The following TRPA1 variants were observed in gnomAD, a reference collection of about 807,000 sequenced individuals.
TRPA1 encodes the protein transient receptor potential cation channel subfamily A member 1.
Under a neutral mutation model 131.3 loss-of-function variants are expected in TRPA1, and 129 were observed. The observed-to-expected ratio is 0.98, with a 90% CI of 0.85 to 1.14. The LOEUF is 1.14. Among genes scored for constraint, TRPA1 ranks in the 50% most tolerant of loss-of-function variants. TRPA1 has a pLI of 0.00. For missense variants in TRPA1, 1,304 were observed against 1,354.2 expected (o/e 0.96, Z 0.58); for synonymous variants, 441 against 451.7 (o/e 0.98, Z 0.30).
At chr8:72,077,275 A>C (rs1313117864), upstream of TRPA1, among the ~76,000 whole-genome samples, 2 of 34,298 alleles carry the variant, frequency 5.8e-5, no homozygotes, top group Non-Finnish European at 1.1e-4. Context: ...CCCGAGAGAC[A>C]GGGGGTGACA....
intron 15 of TRPA1, among the ~76,000 whole-genome samples, chr8:72,048,441 A>G (rs1805405118): frequency 6.6e-6 from 1 of 152,098 alleles, no homozygotes; most frequent in African/African-American, 2.4e-5. Flanking sequence ...AGAAAATTAC[A>G]AGGAAGTCTC....
At chr8:72,077,671 T>A (rs1015758884), upstream of TRPA1, among the ~76,000 whole-genome samples, 8 of 152,198 alleles carry the variant, frequency 5.3e-5, no homozygotes, top group Non-Finnish European at 1.0e-4. Flanking sequence ...TGTTTCTTCT[T>A]AATCATTAAA....
intron 17 of TRPA1, among the ~76,000 whole-genome samples, chr8:72,042,749 C>A (rs1274914589): frequency 2.0e-5 from 3 of 151,864 alleles, no homozygotes; most frequent in Non-Finnish European, 4.4e-5. Context: ...AGTCTTGTCA[C>A]ATGCTCTAAC....
In TRPA1 at chr8:72,022,898, CT is replaced by C; in HGVS notation, c.*7del. 6.2e-7 allele frequency: 1 copy of C among 1,612,674 alleles called. No homozygotes were observed. The highest frequency in any genetic ancestry group is 8.5e-7 in the Non-Finnish European group (1 of 1,178,976). On this transcript the variant is annotated 3_prime_UTR_variant, in exon 27 of 27. Transcript: ENST00000262209. ...CCCCATTAGAAGCCTCACTGAAGGT[CT>C]GAGGAGCTAAGGCTCAAGATGGTGT...
At chr8:72,074,801 T>C (rs1189126062) in intron 1 of TRPA1, among the ~76,000 whole-genome samples, 4 of 152,162 alleles carry the variant, frequency 2.6e-5, no homozygotes, top group Non-Finnish European at 2.9e-5. Flanking sequence ...CTCCGTTTTA[T>C]TGGGGACATT....
upstream of TRPA1, among the ~76,000 whole-genome samples, chr8:72,080,528 A>G (rs1393656751): frequency 6.6e-6 from 1 of 151,756 alleles, no homozygotes; most frequent in Non-Finnish European, 1.5e-5. Context: ...ATTGATCTGT[A>G]GTTGCCTCTT....
Position 72,055,837 on chromosome 8 carries a change from G to T in TRPA1, c.1213C>A (p.Leu405Met). ...EFMQMQQIKE[L>M]VMDEDNDGCT... ...CCATCGTTGTCTTCATCCATTACCA[G>T]CTCTTTGATCTGTTGCATCTATAGG... Residue 405 changes from leucine to methionine, a missense_variant, in exon 11 of 27, where the codon CTG becomes ATG. Physicochemically the swap from Leu to Met is conservative, Grantham distance 15. Transcript: ENST00000262209. 6.2e-7 allele frequency: 1 copy of T among 1,612,666 alleles called. No individual in the cohort carries two copies. The highest frequency in any genetic ancestry group is 8.5e-7 in the Non-Finnish European group (1 of 1,179,514).
intron 1 of TRPA1, among the ~76,000 whole-genome samples, chr8:72,073,304 T>C (rs138634425): frequency 5.6e-4 from 86 of 152,312 alleles, no homozygotes; most frequent in Middle Eastern, 3.4e-3. Context: ...AAGAAAATAA[T>C]TGGAAAAGGC....
intron 22 of TRPA1, 100 bp downstream of exon 22, chr8:72,034,148 T>A (rs1811943859): frequency 1.6e-6 from 2 of 1,221,158 alleles, no homozygotes; most frequent in Non-Finnish European, 2.3e-6. Flanking sequence ...AATACTGTTG[T>A]TATGTAATTA....
At position 72,065,561 on chromosome 8, in the gene TRPA1, A is replaced by T. The variant is rs1375745961; in HGVS notation, c.445-3T>A. On this transcript the variant is annotated splice_region_variant and splice_polypyrimidine_tract_variant and intron_variant, in intron 3 of 26. Coordinates refer to ENST00000262209, the MANE Select transcript of TRPA1 (RefSeq NM_007332.3). The stretch of plus-strand genomic sequence containing the variant: ...ATAGTTCTATGCTCAAGCAAGACCT[A>T]AAAAAAGGGGAGAATAATTGTCAAA... 4 of 1,608,260 alleles carry T rather than the reference A, an allele frequency of 2.5e-6. No homozygotes were observed. The highest frequency in any genetic ancestry group is 3.4e-6 in the Non-Finnish European group (4 of 1,175,490).
At chr8:72,087,874 A>C in the TRPA1 span, among the ~76,000 whole-genome samples, 1 of 152,152 alleles carries the variant, frequency 6.6e-6, no homozygotes, top group African/African-American at 2.4e-5. Flanking sequence ...CTAGTCACTA[A>C]GATCAGTCTC....
chr8:72,036,624 C>T (rs931402318), intron 20 of TRPA1, among the ~76,000 whole-genome samples, 167 bp from the exon 21 acceptor site: 13 of 152,260 alleles, frequency 8.5e-5, no homozygotes, highest in East Asian at 1.9e-4. Flanking sequence ...TCAGAGTCCC[C>T]GGGGTATGAA....
intron 25 of TRPA1, 82 bp from the exon 26 acceptor site, chr8:72,023,993 C>A: frequency 1.1e-6 from 1 of 897,284 alleles, no homozygotes; most frequent in Non-Finnish European, 1.9e-6. Flanking sequence ...ATTCAACCAC[C>A]ACTGGTACCA....
chr8:72,063,644 G>T (rs918809374), intron 4 of TRPA1, 73 bp from the exon 5 acceptor site: 12 of 931,476 alleles, frequency 1.3e-5, no homozygotes, highest in Non-Finnish European at 2.1e-5. Flanking sequence ...GAATTTATGT[G>T]CCTCTCCCAT....
Position 72,050,693 on chromosome 8 carries a change from G to C in TRPA1, c.1905+85C>G, listed in dbSNP as rs144850913. 1.8e-4 allele frequency: 171 copies of C among 955,002 alleles called. 1 individual carries two copies. In the African/African-American group the frequency reaches 2.4e-3, roughly 14 times the overall value. The allele number at this position is 955,002 out of a possible 1,614,324, so 59.2% of individuals were successfully genotyped here. A position where few individuals can be genotyped will look rare whatever the true frequency, so the allele number is the denominator to read the frequency against. On this transcript the variant is annotated intron_variant, in intron 15 of 26. Transcript: ENST00000262209. ...TGGAAAATGAGAAGCTTTGTTTAAA[G>C]CTGGAAATTATTATTATTAGGTTGT... is the stretch of plus-strand genomic sequence containing the variant.
Position 72,052,650 on chromosome 8 carries a change from G to A in TRPA1, c.1760C>T (p.Ala587Val). The A allele has an allele frequency of 6.2e-7, 1 of 1,613,752 alleles. No homozygotes were observed. Among genetic ancestry groups the A allele is most frequent in the Non-Finnish European group, 8.5e-7 (1 of 1,179,812 alleles). The change falls in exon 14 of 27, where the codon GCA becomes GTA. Residue 587 changes from alanine (A) to valine (V), a missense_variant. Coordinates refer to ENST00000262209, the MANE Select transcript of TRPA1 (RefSeq NM_007332.3). Reference protein sequence around the residue: ...NKQQASFLHLALHNKRKEVVL... With the variant: ...NKQQASFLHLVLHNKRKEVVL... Reference sequence around the variant, plus strand: ...AACCTCCTTCCTCTTATTGTGAAGTGCAAGGTGCAAAAAGGAGGCCTGCTG... The same window carrying A: ...AACCTCCTTCCTCTTATTGTGAAGTACAAGGTGCAAAAAGGAGGCCTGCTG...
At chr8:72,039,875 GT>G in intron 17 of TRPA1, 78 bp from the exon 18 acceptor site, 1 of 961,722 alleles carries the variant, frequency 1.0e-6, no homozygotes, top group Non-Finnish European at 1.7e-6. Context: ...TTATTGTCTG[GT>G]TTTATAACTG....
chr8:72,083,973 TGG>T, the TRPA1 span, among the ~76,000 whole-genome samples: 726 of 152,278 alleles, frequency 4.8e-3, 3 homozygotes, highest in African/African-American at 0.017. Flanking sequence ...AGTCGAAAGC[TGG>T]GTACTAGTTA....
At chr8:72,043,691 T>A (rs997850881) in intron 17 of TRPA1, among the ~76,000 whole-genome samples, 1 of 151,856 alleles carries the variant, frequency 6.6e-6, no homozygotes, top group Non-Finnish European at 1.5e-5. Flanking sequence ...GAATTTCTGT[T>A]TTTAGCTTCC....
Sources: allele counts gnomAD v4.1 joint callset (sites outside exome capture counted in the v4.1 genomes callset), GRCh38; gene constraint gnomAD v4.1.1; transcripts MANE v1.5; gene names NCBI Gene and HGNC (gene_info 2026-07-23, HGNC 2026-07-21).